ARHGAP24: variants seen among roughly 807,000 people sequenced by gnomAD.
ARHGAP24 encodes the protein Rho GTPase activating protein 24, also known as rho GTPase-activating protein 24.
Under a neutral mutation model 76.4 loss-of-function variants are expected in ARHGAP24, and 50 were observed. The observed-to-expected ratio is 0.65, with a 90% CI of 0.52 to 0.83. ARHGAP24 has a LOEUF of 0.83. ARHGAP24 is among the 40% of genes least tolerant of loss of function. The pLI is 0.00. For missense variants in ARHGAP24, 930 were observed against 914.2 expected (o/e 1.02, Z -0.22); for synonymous variants, 345 against 323.3 (o/e 1.07, Z -0.72).
intron 2 of ARHGAP24, among the ~76,000 whole-genome samples, chr4:85,618,663 A>G (rs1270327083): frequency 6.6e-6 from 1 of 151,934 alleles, no homozygotes; most frequent in Non-Finnish European, 1.5e-5. Context: ...TTTTTGATAA[A>G]AGCCATTCTA....
intron 4 of ARHGAP24, among the ~76,000 whole-genome samples, chr4:85,936,996 C>G (rs758591697): frequency 2.0e-4 from 30 of 152,146 alleles, no homozygotes; most frequent in Non-Finnish European, 4.0e-4. Flanking sequence ...AGGCTGAGAT[C>G]AGCTTGTGGG....
intron 1 of ARHGAP24, among the ~76,000 whole-genome samples, chr4:85,486,285 T>G (rs1322935539): frequency 1.3e-5 from 2 of 152,104 alleles, no homozygotes; most frequent in African/African-American, 4.8e-5. Flanking sequence ...AGGGTGTTTT[T>G]TTTTTATCTT....
At chr4:85,590,200 T>G (rs372252166) in intron 2 of ARHGAP24, among the ~76,000 whole-genome samples, 1,825 of 33,276 alleles carry the variant, frequency 0.055, 29 homozygotes, top group African/African-American at 0.16. Flanking sequence ...CTGCCTTCCT[T>G]CCTTCCTTCC....
At chr4:85,741,208 C>A (rs1332954058) in intron 3 of ARHGAP24, among the ~76,000 whole-genome samples, 1 of 152,002 alleles carries the variant, frequency 6.6e-6, no homozygotes, top group Non-Finnish European at 1.5e-5. Context: ...TATTTGTTTC[C>A]CACTAGGCAC....
chr4:85,888,849 C>T, intron 3 of ARHGAP24, among the ~76,000 whole-genome samples: 1 of 152,112 alleles, frequency 6.6e-6, no homozygotes, highest in East Asian at 1.9e-4. Flanking sequence ...TTATTTAGCT[C>T]CCACTTATAA....
chr4:85,634,925 T>A (rs1560562984), intron 2 of ARHGAP24, among the ~76,000 whole-genome samples: 1 of 151,756 alleles, frequency 6.6e-6, no homozygotes, highest in Non-Finnish European at 1.5e-5. Flanking sequence ...CACACCTTAT[T>A]CATCCTCAAA....
chr4:85,825,888 T>C (rs1350320495), intron 3 of ARHGAP24, among the ~76,000 whole-genome samples: 1 of 152,248 alleles, frequency 6.6e-6, no homozygotes, highest in East Asian at 1.9e-4. Context: ...GTAAGGTAAC[T>C]AATTTACTCA....
intron 2 of ARHGAP24, among the ~76,000 whole-genome samples, chr4:85,625,791 C>T (rs1198869573): frequency 6.6e-6 from 1 of 152,150 alleles, no homozygotes; most frequent in Non-Finnish European, 1.5e-5. Context: ...ATAGTTAGCT[C>T]TTCTTATTAA....
chr4:85,773,078 T>G (rs934905602), intron 3 of ARHGAP24, among the ~76,000 whole-genome samples: 2 of 152,238 alleles, frequency 1.3e-5, no homozygotes, highest in African/African-American at 4.8e-5. Context: ...GATATTTTTC[T>G]GTAATTATTA....
At chr4:85,938,850 C>T (rs1736800515) in intron 4 of ARHGAP24, among the ~76,000 whole-genome samples, 1 of 151,934 alleles carries the variant, frequency 6.6e-6, no homozygotes, top group Non-Finnish European at 1.5e-5. Context: ...TCTGACCTCC[C>T]CCAATTCCCA....
At chr4:85,922,459 C>G (rs1013199394) in intron 3 of ARHGAP24, among the ~76,000 whole-genome samples, 1 of 152,196 alleles carries the variant, frequency 6.6e-6, no homozygotes, top group Non-Finnish European at 1.5e-5. Flanking sequence ...CAAACAACAT[C>G]TTAACCAAAC....
chr4:85,503,895 C>T (rs573755879), intron 1 of ARHGAP24, among the ~76,000 whole-genome samples: 101 of 152,238 alleles, frequency 6.6e-4, no homozygotes, highest in African/African-American at 2.1e-3. Context: ...TAAATGTGTC[C>T]CAGAGATTCT....
chr4:85,787,847 T>C (rs1727923894), intron 3 of ARHGAP24, among the ~76,000 whole-genome samples: 1 of 152,112 alleles, frequency 6.6e-6, no homozygotes, highest in South Asian at 2.1e-4. Context: ...CAGATCACAC[T>C]GGGAAAATCT....
intron 3 of ARHGAP24, among the ~76,000 whole-genome samples, chr4:85,754,052 T>G (rs1451825344): frequency 6.6e-6 from 1 of 152,206 alleles, no homozygotes; most frequent in Non-Finnish European, 1.5e-5. Context: ...CTTAACCAAT[T>G]TCTCTTCATC....
At chr4:85,518,738 T>C (rs999006964) in intron 1 of ARHGAP24, among the ~76,000 whole-genome samples, 1 of 152,316 alleles carries the variant, frequency 6.6e-6, no homozygotes, top group African/African-American at 2.4e-5. Context: ...CATCTATATT[T>C]ACCACAGTTT....
At chr4:85,897,294 G>A (rs1234811230) in intron 3 of ARHGAP24, among the ~76,000 whole-genome samples, 1 of 151,974 alleles carries the variant, frequency 6.6e-6, no homozygotes, top group Non-Finnish European at 1.5e-5. Context: ...CAAATGTGAA[G>A]GAAAAATCAC....
chr4:85,818,070 A>C (rs528025009), intron 3 of ARHGAP24, among the ~76,000 whole-genome samples: 1 of 152,376 alleles, frequency 6.6e-6, no homozygotes, highest in African/African-American at 2.4e-5. Flanking sequence ...AAATGACATT[A>C]TATCAAGAAG....
intron 8 of ARHGAP24, among the ~76,000 whole-genome samples, chr4:85,989,844 A>G (rs1432606244): frequency 6.6e-6 from 1 of 151,732 alleles, no homozygotes; most frequent in African/African-American, 2.4e-5. Flanking sequence ...ATCTCTGAAA[A>G]ATTTAGTTAA....
chr4:85,584,195 A>G (rs1053750232), intron 2 of ARHGAP24, among the ~76,000 whole-genome samples: 1 of 152,160 alleles, frequency 6.6e-6, no homozygotes, highest in African/African-American at 2.4e-5. Flanking sequence ...ACCAACCCAG[A>G]TGTCCAACAA....
Sources: allele counts gnomAD v4.1 joint callset (sites outside exome capture counted in the v4.1 genomes callset), GRCh38; gene constraint gnomAD v4.1.1; transcripts MANE v1.5; gene names NCBI Gene and HGNC (gene_info 2026-07-23, HGNC 2026-07-21).